Variants in WWOX observed in about 807,000 individuals in gnomAD.
WWOX encodes the protein WW domain-containing oxidoreductase.
A neutral mutation model predicts 46.2 loss-of-function variants in WWOX; 69 were observed. That is an observed-to-expected ratio of 1.49 (90% CI 1.23 to 1.82). The LOEUF is 1.82. Ranked by LOEUF, WWOX falls within the 40% of genes most tolerant of loss-of-function variation. The pLI is 0.00. For synonymous variants in WWOX, 359 were observed against 202.6 expected (o/e 1.77, Z -6.56); for missense variants, 919 against 542.6 (o/e 1.69, Z -6.89).
intron 5 of WWOX, among the ~76,000 whole-genome samples, chr16:78,227,534 G>A (rs1160020904): frequency 6.6e-6 from 1 of 152,154 alleles, no homozygotes; most frequent in South Asian, 2.1e-4. Context: ...GTGTCCACTG[G>A]ACTTCAGTAT....
intron 6 of WWOX, among the ~76,000 whole-genome samples, chr16:78,394,651 G>A (rs8058113): frequency 0.071 from 10,844 of 152,308 alleles, 474 homozygotes; most frequent in South Asian, 0.17. Flanking sequence ...GTGAATATTT[G>A]AGAATTTTCA....
intron 8 of WWOX, among the ~76,000 whole-genome samples, chr16:78,458,337 T>G (rs537900183): frequency 6.6e-6 from 1 of 151,260 alleles, no homozygotes; most frequent in Non-Finnish European, 1.5e-5. Context: ...CACAGCTCAC[T>G]GCAGTCTTGA....
chr16:78,802,929 AAAAAAAAAAAAAACAAC>A lies in WWOX; in HGVS notation c.1056+370181_1056+370197del, dbSNP rs1250640929. 6.2e-4 allele frequency among the ~76,000 whole-genome samples: 69 copies of A among 111,434 alleles called. 10 individuals are homozygous for A. The South Asian group carries it at 0.011, about 17-fold the overall frequency. 73.1% of individuals were successfully genotyped at this position (111,434 alleles called of 152,430 possible). On this transcript the variant is annotated intron_variant, in intron 8 of 8. Coordinates refer to ENST00000566780, the MANE Select transcript of WWOX (RefSeq NM_016373.4). ...AGACTTCATCTGAAAAAAAAAAAAA[AAAAAAAAAAAAAACAAC>A]AAACAGAAAAATGAACGAGTGAGTG...
At chr16:78,861,155 T>A (rs1278846241) in intron 8 of WWOX, among the ~76,000 whole-genome samples, 2 of 152,058 alleles carry the variant, frequency 1.3e-5, no homozygotes, top group African/African-American at 2.4e-5. Flanking sequence ...CTTTCCTCCC[T>A]CTCTCTCTTT....
intron 4 of WWOX, among the ~76,000 whole-genome samples, 173 bp downstream of exon 4, chr16:78,115,327 G>A (rs2032725075): frequency 1.3e-5 from 2 of 152,082 alleles, no homozygotes; most frequent in South Asian, 2.1e-4. Context: ...TGTTGTCATG[G>A]AAGCCTGTGT....
At chr16:78,905,204 C>T (rs1173762310) in intron 8 of WWOX, among the ~76,000 whole-genome samples, 1 of 152,056 alleles carries the variant, frequency 6.6e-6, no homozygotes. Flanking sequence ...AGGTTGATGG[C>T]CAATCTCAGG....
intron 8 of WWOX, among the ~76,000 whole-genome samples, chr16:79,199,991 C>T (rs2051315385): frequency 6.6e-6 from 1 of 152,172 alleles, no homozygotes; most frequent in Admixed American, 6.5e-5. Context: ...GTTCCAATTG[C>T]AACTGGCTTG....
intron 8 of WWOX, among the ~76,000 whole-genome samples, chr16:79,210,212 T>G (rs765487192): frequency 2.1e-4 from 32 of 152,316 alleles, no homozygotes; most frequent in African/African-American, 7.5e-4. Context: ...TTACTAGATA[T>G]CCTGACACTG....
At chr16:79,100,798 C>A (rs963884695) in intron 8 of WWOX, among the ~76,000 whole-genome samples, 5 of 152,048 alleles carry the variant, frequency 3.3e-5, no homozygotes, top group East Asian at 1.9e-4. Context: ...TTGGAACATA[C>A]AATGCATTTT....
At chr16:78,741,659 A>C (rs1319901812) in intron 8 of WWOX, among the ~76,000 whole-genome samples, 1 of 152,184 alleles carries the variant, frequency 6.6e-6, no homozygotes, top group East Asian at 1.9e-4. Flanking sequence ...GTTCAAGACC[A>C]GGCTGGCCAA....
intron 8 of WWOX, among the ~76,000 whole-genome samples, chr16:78,524,879 T>C (rs2151503592): frequency 6.8e-6 from 1 of 147,686 alleles, no homozygotes; most frequent in African/African-American, 2.5e-5. Context: ...TTTTTTTTTT[T>C]TTTTGAGGCA....
chr16:78,400,923 A>T (rs1227919244), intron 6 of WWOX, among the ~76,000 whole-genome samples: 1 of 152,224 alleles, frequency 6.6e-6, no homozygotes, highest in Non-Finnish European at 1.5e-5. Flanking sequence ...ACCAGGGTTC[A>T]AGTGATCCTT....
intron 5 of WWOX, chr16:78,280,886 A>G (rs926469893): frequency 3.3e-5 from 5 of 153,074 alleles, no homozygotes; most frequent in African/African-American, 4.8e-5. Context: ...TGTATTTTGG[A>G]AAAATCGGAT....
chr16:78,900,281 T>G (rs545546194), intron 8 of WWOX, among the ~76,000 whole-genome samples: 1 of 152,148 alleles, frequency 6.6e-6, no homozygotes, highest in Non-Finnish European at 1.5e-5. Flanking sequence ...GGGGAAAGTT[T>G]CCAGCCTGGT....
intron 8 of WWOX, among the ~76,000 whole-genome samples, chr16:78,760,077 T>A (rs971791370): frequency 6.6e-6 from 1 of 152,162 alleles, no homozygotes; most frequent in Non-Finnish European, 1.5e-5. Flanking sequence ...ACTGGGTAAT[T>A]TATCAACAAA....
At chr16:78,589,522 A>T (rs562334348) in intron 8 of WWOX, among the ~76,000 whole-genome samples, 1 of 152,290 alleles carries the variant, frequency 6.6e-6, no homozygotes, top group South Asian at 2.1e-4. Flanking sequence ...GGCACTCAAG[A>T]GTCCACCTTG....
At chr16:78,704,576 G>A (rs535289118) in intron 8 of WWOX, among the ~76,000 whole-genome samples, 5 of 152,272 alleles carry the variant, frequency 3.3e-5, no homozygotes, top group South Asian at 2.1e-4. Context: ...CATAAAAGCC[G>A]TTTGAAATTT....
At chr16:78,804,644 T>C (rs2050981123) in intron 8 of WWOX, among the ~76,000 whole-genome samples, 1 of 152,232 alleles carries the variant, frequency 6.6e-6, no homozygotes, top group South Asian at 2.1e-4. Flanking sequence ...CCTTTGAGTG[T>C]AGCAGAATTG....
chr16:78,368,581 T>C (rs887728480), intron 5 of WWOX, among the ~76,000 whole-genome samples: 5 of 152,320 alleles, frequency 3.3e-5, no homozygotes, highest in Admixed American at 1.3e-4. Flanking sequence ...CTGCTGTTCA[T>C]AAATATTGAA....
Sources: gnomAD v4.1 joint callset for allele counts (sites outside exome capture counted in the v4.1 genomes callset) on GRCh38, gnomAD v4.1.1 for gene constraint, MANE v1.5 for transcripts, NCBI Gene and HGNC (gene_info 2026-07-23, HGNC 2026-07-21) for gene names.